PCCA: variants seen among roughly 807,000 people sequenced by gnomAD.
The protein encoded by PCCA is propionyl-CoA carboxylase subunit alpha, also known as propionyl-CoA carboxylase alpha chain, mitochondrial.
Under a neutral mutation model 101.3 loss-of-function variants are expected in PCCA, and 74 were observed. That is an observed-to-expected ratio of 0.73 (90% CI 0.61 to 0.89). The LOEUF (loss-of-function observed/expected upper bound fraction) is 0.89. Among genes scored for constraint, PCCA ranks in the 40% least tolerant of loss-of-function variants. PCCA has a pLI of 0.00. For synonymous variants in PCCA, 294 were observed against 313.6 expected, an observed-to-expected ratio of 0.94 and a Z score of 0.66; for missense variants, 891 against 907.0, an observed-to-expected ratio of 0.98 and a Z score of 0.23.
intron 21 of PCCA, among the ~76,000 whole-genome samples, chr13:100,499,300 T>C (rs2085502175): frequency 6.6e-6 from 1 of 152,266 alleles, no homozygotes; most frequent in African/African-American, 2.4e-5. Context: ...TCCCGGAAGA[T>C]AATCATTGTT....
chr13:100,125,884 G>A (rs1335037887), intron 4 of PCCA, among the ~76,000 whole-genome samples: 2 of 152,172 alleles, frequency 1.3e-5, no homozygotes, highest in Non-Finnish European at 2.9e-5. Context: ...ATATTTAATT[G>A]GAGATCCTGC....
chr13:100,229,007 CTTTTG>C (rs1566752866), intron 7 of PCCA, among the ~76,000 whole-genome samples: 3 of 149,710 alleles, frequency 2.0e-5, no homozygotes, highest in East Asian at 3.9e-4. Flanking sequence ...GAGCTGCTTT[CTTTTG>C]TTTTGTATTA....
At chr13:100,136,559 G>A (rs528211597) in intron 4 of PCCA, among the ~76,000 whole-genome samples, 6 of 152,208 alleles carry the variant, frequency 3.9e-5, no homozygotes, top group South Asian at 2.1e-4. Flanking sequence ...TTTAAATGAC[G>A]TATTCAAGTT....
chr13:100,336,808 C>T (rs9554679), intron 17 of PCCA, among the ~76,000 whole-genome samples: 40,713 of 152,112 alleles, frequency 0.27, 6,836 homozygotes, highest in Middle Eastern at 0.41. Context: ...AGGCTCTAAG[C>T]TTGAATGTTG....
chr13:100,222,225 ATTAGTAATTTT>A (rs1260587970), intron 7 of PCCA, among the ~76,000 whole-genome samples: 2 of 151,644 alleles, frequency 1.3e-5, no homozygotes, highest in African/African-American at 2.4e-5. Flanking sequence ...ATTTTTAGTA[ATTAGTAATTTT>A]TTAGTAATTT....
intron 21 of PCCA, among the ~76,000 whole-genome samples, chr13:100,510,654 C>G (rs2086412040): frequency 6.6e-6 from 1 of 152,194 alleles, no homozygotes; most frequent in South Asian, 2.1e-4. Context: ...CTGCCTGTTG[C>G]ATCTTTTCTA....
At chr13:100,325,263 A>G (rs1281918863) in intron 16 of PCCA, among the ~76,000 whole-genome samples, 1 of 152,180 alleles carries the variant, frequency 6.6e-6, no homozygotes, top group East Asian at 1.9e-4. Context: ...CATAGACTCG[A>G]ATATGACTGT....
Position 100,207,360 on chromosome 13 carries a change from T to C in PCCA, c.469-1972T>C, listed in dbSNP as rs559999611. On this transcript the variant is annotated intron_variant, in intron 6 of 23. Transcript: ENST00000376285. ...GGCTTTTCTACTCATTTTCTCTGAATGATTTCATTCACAACTTTTATTTTT... is the reference window on the plus strand; with the variant it reads ...GGCTTTTCTACTCATTTTCTCTGAACGATTTCATTCACAACTTTTATTTTT... Among the ~76,000 whole-genome samples the C allele has an allele frequency of 2.0e-5, 3 of 152,264 alleles. No homozygotes were observed. In the South Asian group the frequency reaches 6.2e-4, roughly 32 times the overall value.
At chr13:100,259,336 T>G (rs2062299245) in intron 9 of PCCA, among the ~76,000 whole-genome samples, 1 of 140,500 alleles carries the variant, frequency 7.1e-6, no homozygotes, top group African/African-American at 2.6e-5. Flanking sequence ...ATGGTTTTTT[T>G]TTTTTTTTTT....
Position 100,330,633 on chromosome 13 carries a change from C to G in PCCA, c.1502C>G (p.Thr501Ser), listed in dbSNP as rs1337946354. 6.2e-7 allele frequency: 1 copy of G among 1,611,732 alleles called. No homozygotes were observed. Among genetic ancestry groups the G allele is most frequent in the South Asian group, 1.1e-5 (1 of 91,034 alleles). ...CGCTTTGTAAAAGGAGACATCAGCA[C>G]TAAATTTCTCTCCGATGTGTATCCT... is the stretch of plus-strand genomic sequence containing the variant. ...NSRFVKGDIS[T>S]KFLSDVYPDG... is the part of the protein sequence containing the mutation. Residue 501 changes from threonine (T) to serine (S), a missense_variant, in exon 17 of 24, where the codon ACT becomes AGT. Coordinates refer to ENST00000376285, the MANE Select transcript of PCCA (RefSeq NM_000282.4).
intron 22 of PCCA, among the ~76,000 whole-genome samples, chr13:100,526,782 GCTCA>G (rs2087864136): frequency 6.6e-6 from 1 of 152,278 alleles, no homozygotes; most frequent in African/African-American, 2.4e-5. Flanking sequence ...TTCAGCTGCA[GCTCA>G]CTCCTGCAGG....
intron 19 of PCCA, among the ~76,000 whole-genome samples, chr13:100,417,601 T>A (rs2078461542): frequency 6.6e-6 from 1 of 152,042 alleles, no homozygotes; most frequent in Admixed American, 6.6e-5. Flanking sequence ...GTCTAAGATG[T>A]TATTGGTGGA....
intron 12 of PCCA, among the ~76,000 whole-genome samples, chr13:100,285,227 G>A (rs758517498): frequency 2.0e-5 from 3 of 152,170 alleles, no homozygotes; most frequent in Non-Finnish European, 2.9e-5. Context: ...AGGCCACTCT[G>A]TACGCTAATC....
intron 2 of PCCA, among the ~76,000 whole-genome samples, chr13:100,103,992 G>T (rs562287103): frequency 6.6e-6 from 1 of 152,262 alleles, no homozygotes; most frequent in South Asian, 2.1e-4. Context: ...CAGGACAAGG[G>T]GTTTCTAATT....
At chr13:100,440,268 A>T (rs1370230457) in intron 20 of PCCA, among the ~76,000 whole-genome samples, 2 of 147,724 alleles carry the variant, frequency 1.4e-5, no homozygotes, top group African/African-American at 4.9e-5. Flanking sequence ...TTACACAAGC[A>T]CATGAATATG....
intron 4 of PCCA, among the ~76,000 whole-genome samples, chr13:100,140,294 A>T (rs920482387): frequency 6.6e-6 from 1 of 152,188 alleles, no homozygotes; most frequent in Non-Finnish European, 1.5e-5. Context: ...TTGAGACTGC[A>T]GTTTCACTGA....
chr13:100,191,258 G>A (rs532476857), intron 6 of PCCA, among the ~76,000 whole-genome samples: 4 of 152,302 alleles, frequency 2.6e-5, no homozygotes, highest in African/African-American at 9.6e-5. Flanking sequence ...GATTTCATAA[G>A]CTTCTTAAGG....
chr13:100,398,123 A>G (rs981710335), intron 19 of PCCA, among the ~76,000 whole-genome samples: 2 of 152,204 alleles, frequency 1.3e-5, no homozygotes, highest in Non-Finnish European at 2.9e-5. Flanking sequence ...AGCTGGTAGT[A>G]ATTGGTGAGC....
chr13:100,114,577 G>A lies in PCCA; in HGVS notation c.300+2516G>A, dbSNP rs181139253. 3.2e-4 allele frequency among the ~76,000 whole-genome samples: 49 copies of A among 152,182 alleles called. No homozygotes were observed. In the East Asian group the frequency reaches 8.7e-3, roughly 27 times the overall value. On this transcript the variant is annotated intron_variant, in intron 4 of 23. Coordinates refer to ENST00000376285, the MANE Select transcript of PCCA (RefSeq NM_000282.4). ...CGTGCCACTGCGCTGTAGCGTGGGCGACCAGGCGAGACTATGTCCAAAGGA... is the reference window on the plus strand; with the variant it reads ...CGTGCCACTGCGCTGTAGCGTGGGCAACCAGGCGAGACTATGTCCAAAGGA...
Sources: gnomAD v4.1 joint callset for allele counts (sites outside exome capture counted in the v4.1 genomes callset) on GRCh38, gnomAD v4.1.1 for gene constraint, MANE v1.5 for transcripts, NCBI Gene and HGNC (gene_info 2026-07-23, HGNC 2026-07-21) for gene names.